PDE8B: variants seen among roughly 807,000 people sequenced by gnomAD.
PDE8B encodes high affinity cAMP-specific and IBMX-insensitive 3',5'-cyclic phosphodiesterase 8B.
Under a neutral mutation model 101.3 loss-of-function variants are expected in PDE8B, and 26 were observed. The ratio of observed to expected loss-of-function variants is 0.26; its 90% CI spans 0.19 to 0.36. PDE8B has a LOEUF of 0.36. PDE8B is among the 10% of genes least tolerant of loss of function. PDE8B has a pLI of 1.00. For synonymous variants in PDE8B, 424 were observed against 429.3 expected (o/e 0.99, Z 0.15); for missense variants, 810 against 1,163.1 (o/e 0.70, Z 4.42).
At chr5:77,320,302 A>G (rs1187706123) in intron 2 of PDE8B, among the ~76,000 whole-genome samples, 1 of 152,192 alleles carries the variant, frequency 6.6e-6, no homozygotes, top group African/African-American at 2.4e-5. Flanking sequence ...TACTATGCAA[A>G]GTGAGGATTG....
chr5:77,301,506 T>A (rs1769929293), intron 1 of PDE8B, among the ~76,000 whole-genome samples: 1 of 152,044 alleles, frequency 6.6e-6, no homozygotes, highest in Admixed American at 6.5e-5. Context: ...CAGAAATGAG[T>A]GCTTGGGTTT....
chr5:77,340,342 C>T (rs1240684907), intron 6 of PDE8B, among the ~76,000 whole-genome samples: 1 of 152,174 alleles, frequency 6.6e-6, no homozygotes, highest in African/African-American at 2.4e-5. Flanking sequence ...GCACTTTATT[C>T]TCATATGGGC....
At chr5:77,285,043 G>A (rs77898149) in intron 1 of PDE8B, among the ~76,000 whole-genome samples, 12,752 of 152,172 alleles carry the variant, frequency 0.084, 736 homozygotes, top group Non-Finnish European at 0.12. Context: ...CTTATGCCTA[G>A]ACGTCCAGAG....
chr5:77,316,078 GAT>G (rs1773713410), intron 2 of PDE8B, among the ~76,000 whole-genome samples: 1 of 151,582 alleles, frequency 6.6e-6, no homozygotes, highest in Non-Finnish European at 1.5e-5. Context: ...TGTGAATACT[GAT>G]ATAGTTTTAT....
At chr5:77,120,383 C>A in the PDE8B span, among the ~76,000 whole-genome samples, 1 of 152,164 alleles carries the variant, frequency 6.6e-6, no homozygotes, top group Non-Finnish European at 1.5e-5. Flanking sequence ...GGTACACTTA[C>A]AAGTGTTCAT....
the PDE8B span, among the ~76,000 whole-genome samples, chr5:77,193,580 G>A: frequency 6.6e-6 from 1 of 152,062 alleles, no homozygotes; most frequent in Admixed American, 6.5e-5. Context: ...CTGTGGCTTT[G>A]TACTAAATTT....
At chr5:77,374,755 C>G (rs1213253320) in intron 10 of PDE8B, among the ~76,000 whole-genome samples, 1 of 152,208 alleles carries the variant, frequency 6.6e-6, no homozygotes, top group Non-Finnish European at 1.5e-5. Flanking sequence ...AAAATTTAAT[C>G]TACTATGTAC....
At position 77,359,066 on chromosome 5, in the gene PDE8B, G is replaced by A. The variant is rs544266097; in HGVS notation, c.1167+5660G>A. ...AGCCAACCCCCGAGCAGACATGAAT[G>A]GAATACCTGCTACACATCAGGGACT... On this transcript the variant is annotated intron_variant, in intron 10 of 21. Coordinates refer to ENST00000264917, the MANE Select transcript of PDE8B (RefSeq NM_003719.5). Among the ~76,000 whole-genome samples, 4 of 152,266 alleles carry A rather than the reference G, an allele frequency of 2.6e-5. No homozygotes were observed. The South Asian group carries it at 8.3e-4, about 32-fold the overall frequency.
rs151112238 is a variant in PDE8B at position 77,384,389 on chromosome 5, G to A, written c.1168-15859G>A. Among the ~76,000 whole-genome samples the A allele has an allele frequency of 9.9e-3, 1,505 of 152,196 alleles. 28 individuals carry two copies. Among genetic ancestry groups the A allele is most frequent in the African/African-American group, 0.034 (1,419 of 41,510 alleles). ...TAAGGAGATTTGGGGCTGAGACGAT[G>A]GGTTTTCTAAATATACAATCATGTC... On this transcript the variant is annotated intron_variant, in intron 10 of 21. Transcript: ENST00000264917.
chr5:77,159,392 C>T, the PDE8B span, among the ~76,000 whole-genome samples: 446 of 152,232 alleles, frequency 2.9e-3, 1 homozygote, highest in Non-Finnish European at 5.0e-3. Context: ...GCAGAAAAAA[C>T]GTGAAAAGGA....
the PDE8B span, among the ~76,000 whole-genome samples, chr5:77,101,219 C>T: frequency 1.3e-5 from 2 of 151,788 alleles, no homozygotes; most frequent in Non-Finnish European, 2.9e-5. Context: ...TATCCTCCTG[C>T]CTCAGTCTCC....
intron 7 of PDE8B, among the ~76,000 whole-genome samples, chr5:77,349,005 A>C (rs1161858364): frequency 5.3e-5 from 8 of 152,042 alleles, no homozygotes; most frequent in Non-Finnish European, 7.4e-5. Context: ...TCTTTTTTTA[A>C]CTACAAACAT....
At chr5:77,322,829 C>T (rs1300604172) in intron 2 of PDE8B, among the ~76,000 whole-genome samples, 1 of 149,658 alleles carries the variant, frequency 6.7e-6, no homozygotes, top group Non-Finnish European at 1.5e-5. Flanking sequence ...GCCTCTACCA[C>T]TACAATGCAA....
At chr5:77,100,947 A>G in the PDE8B span, among the ~76,000 whole-genome samples, 1 of 149,290 alleles carries the variant, frequency 6.7e-6, no homozygotes, top group Non-Finnish European at 1.5e-5. Context: ...ACTCCCAATC[A>G]TCTAAAAATT....
chr5:77,341,639 T>C (rs1053503603), intron 6 of PDE8B, among the ~76,000 whole-genome samples: 3 of 152,086 alleles, frequency 2.0e-5, no homozygotes, highest in Non-Finnish European at 4.4e-5. Context: ...TCTCCAAGAG[T>C]GACTTCTGAA....
At chr5:77,108,911 C>T in the PDE8B span, among the ~76,000 whole-genome samples, 3 of 152,098 alleles carry the variant, frequency 2.0e-5, no homozygotes, top group Admixed American at 2.0e-4. Flanking sequence ...ATAGAGAAGA[C>T]ACATTTGCTC....
intron 1 of PDE8B, among the ~76,000 whole-genome samples, chr5:77,303,044 G>A (rs1580901408): frequency 1.3e-5 from 2 of 152,080 alleles, no homozygotes; most frequent in East Asian, 3.9e-4. Context: ...ACCAAATAAA[G>A]ACTTTACTGG....
intron 10 of PDE8B, among the ~76,000 whole-genome samples, chr5:77,364,897 T>C (rs1234763361): frequency 1.3e-5 from 2 of 152,186 alleles, no homozygotes; most frequent in Non-Finnish European, 2.9e-5. Flanking sequence ...AGTAGAGGTT[T>C]GTGAGAAGGT....
At chr5:77,355,713 G>A (rs911706747) in intron 10 of PDE8B, among the ~76,000 whole-genome samples, 1 of 152,168 alleles carries the variant, frequency 6.6e-6, no homozygotes, top group African/African-American at 2.4e-5. Flanking sequence ...TTCTGTGCTG[G>A]CACCAGGGAC....
Sources: allele counts gnomAD v4.1 joint callset (sites outside exome capture counted in the v4.1 genomes callset), GRCh38; gene constraint gnomAD v4.1.1; transcripts MANE v1.5; gene names NCBI Gene and HGNC (gene_info 2026-07-23, HGNC 2026-07-21).